Variants in S100Z observed in about 807,000 individuals in gnomAD.
The protein encoded by S100Z is protein S100-Z.
In S100Z, 11 loss-of-function variants were observed where a neutral mutation model predicts 8.5. The observed-to-expected ratio is 1.30, with a 90% CI of 0.82 to 2.15. The LOEUF (loss-of-function observed/expected upper bound fraction) is 2.15. Among genes scored for constraint, S100Z ranks in the 30% most tolerant of loss-of-function variants. The pLI is 0.00. For missense variants in S100Z, 126 were observed against 117.9 expected, an observed-to-expected ratio of 1.07 and a Z score of -0.32; for synonymous variants, 34 against 43.8, an observed-to-expected ratio of 0.78 and a Z score of 0.89.
intron 4 of S100Z, among the ~76,000 whole-genome samples, chr5:76,880,588 C>T (rs914035181): frequency 5.3e-5 from 8 of 152,094 alleles, no homozygotes; most frequent in Middle Eastern, 3.4e-3. Context: ...GGCCTGGATG[C>T]GGTTTTGTAT....
At chr5:76,930,918 G>A in the S100Z span, among the ~76,000 whole-genome samples, 2 of 152,176 alleles carry the variant, frequency 1.3e-5, no homozygotes, top group Admixed American at 6.5e-5. Context: ...CAGAGGTTTT[G>A]TGGAAATGGA....
the S100Z span, among the ~76,000 whole-genome samples, chr5:76,940,806 G>T: frequency 1.3e-5 from 2 of 152,102 alleles, no homozygotes; most frequent in Non-Finnish European, 2.9e-5. Context: ...TCTGGTCCAG[G>T]ATCCCATCTA....
the S100Z span, among the ~76,000 whole-genome samples, chr5:76,948,554 A>C: frequency 6.6e-6 from 1 of 152,152 alleles, no homozygotes; most frequent in African/African-American, 2.4e-5. Context: ...AAGACATACA[A>C]ATGGCCAACC....
chr5:76,914,135 TTCCC>T (rs1744771513), intron 4 of S100Z, among the ~76,000 whole-genome samples: 1 of 151,962 alleles, frequency 6.6e-6, no homozygotes, highest in Non-Finnish European at 1.5e-5. Flanking sequence ...GCCTAAAGAG[TTCCC>T]CTCTGGAGGA....
At chr5:76,923,519 A>G (rs946610682), downstream of S100Z, among the ~76,000 whole-genome samples, 5 of 152,020 alleles carry the variant, frequency 3.3e-5, no homozygotes, top group African/African-American at 1.2e-4. Context: ...TGCCACCCCA[A>G]TGGGGGAGGG....
intron 4 of S100Z, among the ~76,000 whole-genome samples, chr5:76,907,019 T>TAC (rs1386008172): frequency 2.2e-4 from 17 of 76,256 alleles, no homozygotes; most frequent in African/African-American, 1.4e-3. Context: ...TATATATATA[T>TAC]ATATACATAT....
At chr5:76,919,845 C>T (rs370585760) in intron 4 of S100Z, among the ~76,000 whole-genome samples, 74 of 151,940 alleles carry the variant, frequency 4.9e-4, no homozygotes, top group African/African-American at 1.7e-3. Context: ...CTCAAGTGAT[C>T]CTTCTGCCTC....
intron 4 of S100Z, among the ~76,000 whole-genome samples, chr5:76,879,827 A>G (rs547240672): frequency 6.6e-6 from 1 of 152,238 alleles, no homozygotes; most frequent in Non-Finnish European, 1.5e-5. Context: ...TGGAGAAGGA[A>G]AGAGAGAAAT....
At chr5:76,939,516 A>ACT in the S100Z span, among the ~76,000 whole-genome samples, 84 of 10,018 alleles carry the variant, frequency 8.4e-3, no homozygotes, top group Non-Finnish European at 0.015. Flanking sequence ...TTGGTGTTTA[A>ACT]CTTTTTTTTT....
chr5:76,883,153 G>C (rs971283831), intron 4 of S100Z, among the ~76,000 whole-genome samples: 2 of 152,082 alleles, frequency 1.3e-5, no homozygotes, highest in African/African-American at 4.8e-5. Context: ...GTGGGGTAAG[G>C]GTGATTAGGT....
chr5:76,951,597 C>T, the S100Z span, among the ~76,000 whole-genome samples: 6 of 152,272 alleles, frequency 3.9e-5, no homozygotes, highest in South Asian at 1.2e-3. Flanking sequence ...GGAGATAGAG[C>T]TGAAGATGGC....
the S100Z span, among the ~76,000 whole-genome samples, chr5:76,947,002 C>G: frequency 1.3e-5 from 2 of 152,218 alleles, no homozygotes; most frequent in South Asian, 4.1e-4. Context: ...TACCCCCTGG[C>G]CTCTGGGCCT....
chr5:76,857,790 C>T (rs923343859), intron 1 of S100Z, among the ~76,000 whole-genome samples: 31 of 152,228 alleles, frequency 2.0e-4, no homozygotes, highest in African/African-American at 5.3e-4. Context: ...TATGAGCCAC[C>T]GTACCCAGCC....
chr5:76,917,766 T>A (rs1309979738), intron 4 of S100Z, among the ~76,000 whole-genome samples: 2 of 138,426 alleles, frequency 1.4e-5, no homozygotes, highest in African/African-American at 5.6e-5. Flanking sequence ...GAGGTTGCAG[T>A]AAACCGAGAT....
intron 3 of S100Z, among the ~76,000 whole-genome samples, chr5:76,876,176 C>G (rs1743186222): frequency 6.6e-6 from 1 of 152,028 alleles, no homozygotes; most frequent in African/African-American, 2.4e-5. Flanking sequence ...AATATGCTAC[C>G]CTCGTGTGAT....
the S100Z span, among the ~76,000 whole-genome samples, chr5:76,942,141 G>A: frequency 6.6e-6 from 1 of 151,802 alleles, no homozygotes; most frequent in African/African-American, 2.4e-5. Flanking sequence ...TGTAGACAGA[G>A]TCTTGCTTTG....
chr5:76,897,275 C>T (rs1006934217), intron 4 of S100Z, among the ~76,000 whole-genome samples: 4 of 151,662 alleles, frequency 2.6e-5, no homozygotes, highest in Non-Finnish European at 5.9e-5. Context: ...CCCATCTCTA[C>T]TAAAAAAATA....
intron 4 of S100Z, among the ~76,000 whole-genome samples, chr5:76,888,619 G>T (rs1035183418): frequency 9.9e-5 from 15 of 151,820 alleles, no homozygotes; most frequent in African/African-American, 3.1e-4. Flanking sequence ...CTTGTGATCC[G>T]CCCATCTCGG....
chr5:76,891,548 G>A (rs1391966863), intron 4 of S100Z, among the ~76,000 whole-genome samples: 2 of 152,156 alleles, frequency 1.3e-5, no homozygotes, highest in African/African-American at 2.4e-5. Flanking sequence ...TCAGTAAGTC[G>A]GGGTGGAGCC....
Sources: gnomAD v4.1 joint callset for allele counts (sites outside exome capture counted in the v4.1 genomes callset) on GRCh38, gnomAD v4.1.1 for gene constraint, MANE v1.5 for transcripts, NCBI Gene and HGNC (gene_info 2026-07-23, HGNC 2026-07-21) for gene names.